PLCB4: variants seen among roughly 807,000 people sequenced by gnomAD.
PLCB4 encodes phospholipase C beta 4.
A neutral mutation model predicts 178.8 loss-of-function variants in PLCB4; 77 were observed. The ratio of observed to expected loss-of-function variants is 0.43; its 90% CI spans 0.36 to 0.52. PLCB4 has a LOEUF of 0.52. Ranked by LOEUF, PLCB4 falls within the 20% of genes least tolerant of loss-of-function variation. PLCB4 has a pLI of 0.00. For missense variants in PLCB4, 1,024 were observed against 1,453.4 expected, an observed-to-expected ratio of 0.70 and a Z score of 4.80; for synonymous variants, 496 against 490.8, an observed-to-expected ratio of 1.01 and a Z score of -0.14.
chr20:9,348,136 A>G (rs1324556445), intron 7 of PLCB4, among the ~76,000 whole-genome samples: 2 of 152,216 alleles, frequency 1.3e-5, no homozygotes, highest in East Asian at 3.8e-4. Flanking sequence ...TCATGACACC[A>G]GGAGTCAGCT....
intron 7 of PLCB4, among the ~76,000 whole-genome samples, chr20:9,350,684 A>G (rs751330232): frequency 6.6e-6 from 1 of 152,014 alleles, no homozygotes; most frequent in Non-Finnish European, 1.5e-5. Context: ...TTGGCCTCCC[A>G]AGTACCTGGG....
chr20:9,285,395 G>T (rs936718821), intron 3 of PLCB4, among the ~76,000 whole-genome samples: 1 of 151,708 alleles, frequency 6.6e-6, no homozygotes, highest in Non-Finnish European at 1.5e-5. Flanking sequence ...ACTTTCTGTG[G>T]CCTTTAGTAA....
chr20:9,196,239 A>G (rs1314659372), intron 2 of PLCB4, among the ~76,000 whole-genome samples: 1 of 152,174 alleles, frequency 6.6e-6, no homozygotes, highest in Non-Finnish European at 1.5e-5. Context: ...AGTCAAAAGC[A>G]ATTGAAACAA....
chr20:9,127,246 G>A (rs937218095), intron 2 of PLCB4, among the ~76,000 whole-genome samples: 1 of 152,122 alleles, frequency 6.6e-6, no homozygotes, highest in Non-Finnish European at 1.5e-5. Flanking sequence ...CCGGGAGCCT[G>A]AGACTCTGCA....
At chr20:9,280,502 T>C in intron 3 of PLCB4, 2 of 971,962 alleles carry the variant, frequency 2.1e-6, no homozygotes, top group Non-Finnish European at 2.4e-6. Flanking sequence ...CTAATTTCAC[T>C]GGGTTTCTCA....
chr20:9,190,277 G>A (rs940645030), intron 2 of PLCB4, among the ~76,000 whole-genome samples: 2 of 152,016 alleles, frequency 1.3e-5, no homozygotes, highest in African/African-American at 4.8e-5. Context: ...TAATCCCCAC[G>A]TGTCAAGGGA....
chr20:9,423,325 A>G (rs1003602042), intron 27 of PLCB4, among the ~76,000 whole-genome samples: 1 of 152,210 alleles, frequency 6.6e-6, no homozygotes, highest in Non-Finnish European at 1.5e-5. Context: ...CGTATTCTTA[A>G]AAACAAACAA....
chr20:9,356,383 TATTTTAGA>T (rs1489481768), intron 7 of PLCB4, among the ~76,000 whole-genome samples: 1 of 152,186 alleles, frequency 6.6e-6, no homozygotes, highest in African/African-American at 2.4e-5. Context: ...AGTCCCTATT[TATTTTAGA>T]ATCTGAGGCA....
intron 12 of PLCB4, among the ~76,000 whole-genome samples, chr20:9,378,155 T>C (rs2036834557): frequency 6.6e-6 from 1 of 152,200 alleles, no homozygotes; most frequent in African/African-American, 2.4e-5. Context: ...TTATCTCTTC[T>C]CTCTCCTGTA....
At chr20:9,311,599 C>G (rs1442886281) in intron 4 of PLCB4, among the ~76,000 whole-genome samples, 1 of 151,800 alleles carries the variant, frequency 6.6e-6, no homozygotes, top group African/African-American at 2.4e-5. Context: ...ATACTTTTTT[C>G]TTAACTGTCA....
chr20:9,284,987 G>A (rs2094524578), intron 3 of PLCB4, among the ~76,000 whole-genome samples: 1 of 151,860 alleles, frequency 6.6e-6, no homozygotes, highest in Non-Finnish European at 1.5e-5. Flanking sequence ...TAAATGAGAG[G>A]ATGCCCAGGG....
intron 3 of PLCB4, among the ~76,000 whole-genome samples, chr20:9,265,718 T>C (rs2094342994): frequency 6.6e-6 from 1 of 152,214 alleles, no homozygotes; most frequent in Non-Finnish European, 1.5e-5. Context: ...GCTGCCATAC[T>C]TGATTATTCT....
intron 3 of PLCB4, among the ~76,000 whole-genome samples, chr20:9,285,992 A>G (rs1433109060): frequency 6.6e-6 from 1 of 151,888 alleles, no homozygotes; most frequent in Non-Finnish European, 1.5e-5. Flanking sequence ...AGATGGGGAA[A>G]CTCCTTGAAA....
At chr20:9,072,007 A>G (rs2089598313) in intron 1 of PLCB4, among the ~76,000 whole-genome samples, 1 of 152,236 alleles carries the variant, frequency 6.6e-6, no homozygotes. Flanking sequence ...AGATGCTTTA[A>G]TGATCACAGT....
At chr20:9,130,215 T>C (rs1040035532) in intron 2 of PLCB4, among the ~76,000 whole-genome samples, 3 of 152,252 alleles carry the variant, frequency 2.0e-5, no homozygotes, top group East Asian at 3.9e-4. Context: ...GAGCTGTTAA[T>C]GTAGGAGATT....
chr20:9,204,360 T>A (rs527887742), intron 2 of PLCB4, among the ~76,000 whole-genome samples: 38 of 151,888 alleles, frequency 2.5e-4, no homozygotes, highest in African/African-American at 8.2e-4. Flanking sequence ...AGCTCTAAGA[T>A]TTTTTTTGCG....
At chr20:9,437,680 G>A (rs1439928161) in intron 30 of PLCB4, among the ~76,000 whole-genome samples, 2 of 152,180 alleles carry the variant, frequency 1.3e-5, no homozygotes, top group African/African-American at 4.8e-5. Context: ...ATAGGGAGTG[G>A]CAAGGAGTTC....
At chr20:9,369,646 G>C (rs1371280950) in intron 9 of PLCB4, among the ~76,000 whole-genome samples, 2 of 152,066 alleles carry the variant, frequency 1.3e-5, no homozygotes, top group Non-Finnish European at 2.9e-5. Context: ...AGTATTCTTG[G>C]ACCTGGCATG....
intron 2 of PLCB4, among the ~76,000 whole-genome samples, chr20:9,178,860 A>G (rs1362305806): frequency 6.6e-6 from 1 of 152,136 alleles, no homozygotes; most frequent in Non-Finnish European, 1.5e-5. Flanking sequence ...AAAGAAATAG[A>G]AAAAAGGCAT....
Sources: gnomAD v4.1 joint callset for allele counts (sites outside exome capture counted in the v4.1 genomes callset) on GRCh38, gnomAD v4.1.1 for gene constraint, MANE v1.5 for transcripts, NCBI Gene and HGNC (gene_info 2026-07-23, HGNC 2026-07-21) for gene names.